Variants in EVL observed in about 807,000 individuals in gnomAD.
EVL encodes ena/VASP-like protein.
In EVL, 21 loss-of-function variants were observed where a neutral mutation model predicts 59.6. That is an observed-to-expected ratio of 0.35 (90% CI 0.25 to 0.51). The LOEUF is 0.51. Ranked by LOEUF, EVL falls within the 20% of genes least tolerant of loss-of-function variation. EVL has a pLI of 0.97. For missense variants in EVL, 462 were observed against 546.6 expected (o/e 0.85, Z 1.54); for synonymous variants, 198 against 203.5 (o/e 0.97, Z 0.23).
intron 1 of EVL, among the ~76,000 whole-genome samples, chr14:99,973,974 T>C (rs951630382): frequency 1.3e-5 from 2 of 152,242 alleles, no homozygotes; most frequent in Non-Finnish European, 2.9e-5. Flanking sequence ...GTCTTCGCTT[T>C]GGAGTTATTT....
intron 3 of EVL, among the ~76,000 whole-genome samples, chr14:100,118,206 C>T (rs61984552): frequency 0.027 from 4,139 of 152,288 alleles, 80 homozygotes; most frequent in Non-Finnish European, 0.04. Context: ...CGAGTCTCAG[C>T]AGGCTATGAG....
At chr14:100,051,233 G>C (rs537987341) in intron 1 of EVL, among the ~76,000 whole-genome samples, 2 of 152,112 alleles carry the variant, frequency 1.3e-5, no homozygotes, top group Non-Finnish European at 2.9e-5. Context: ...GTCCTGCTCC[G>C]TCCTGACTAG....
At chr14:100,125,558 ATT>A (rs202101876) in intron 4 of EVL, among the ~76,000 whole-genome samples, 6 of 142,462 alleles carry the variant, frequency 4.2e-5, no homozygotes, top group Non-Finnish European at 3.1e-5. Context: ...CTTTTCCGTA[ATT>A]TTTTTTTTTT....
chr14:100,125,651 G>A (rs1888027406), intron 4 of EVL, among the ~76,000 whole-genome samples: 1 of 151,950 alleles, frequency 6.6e-6, no homozygotes, highest in Non-Finnish European at 1.5e-5. Flanking sequence ...CACTTCCTGG[G>A]TTCAAGAGAT....
chr14:100,141,682 G>C, intron 12 of EVL, 54 bp from the exon 13 acceptor site: 2 of 1,587,684 alleles, frequency 1.3e-6, no homozygotes, highest in Non-Finnish European at 1.7e-6. Context: ...AGCCCAGGCC[G>C]GCTTTTCCGT....
chr14:100,123,609 C>T lies in EVL; in HGVS notation c.422+7C>T. 3 of 1,613,952 alleles carry T rather than the reference C, an allele frequency of 1.9e-6. No homozygotes were observed. The South Asian group carries it at 3.3e-5, about 18-fold the overall frequency. ...AGATGGACATCCAGAGAAGGTAACC[C>T]AGCACCCGCAGGGGCCAGGCTGGTC... On this transcript the variant is annotated splice_region_variant and intron_variant, in intron 4 of 13. Coordinates refer to ENST00000392920, the MANE Select transcript of EVL (RefSeq NM_016337.3).
At chr14:100,038,805 T>TGTGTGTGTGTGTGTGTG (rs1555415165) in intron 1 of EVL, among the ~76,000 whole-genome samples, 2 of 151,026 alleles carry the variant, frequency 1.3e-5, no homozygotes, top group Non-Finnish European at 1.5e-5. Context: ...TGTGTGTGTG[T>TGTGTGTGTGTGTGTGTG]TGCTGTAAAG....
At chr14:100,087,866 G>A (rs1050793715) in intron 2 of EVL, among the ~76,000 whole-genome samples, 1 of 152,120 alleles carries the variant, frequency 6.6e-6, no homozygotes, top group Non-Finnish European at 1.5e-5. Flanking sequence ...AAGAAGAAGG[G>A]CATCCAAACT....
At chr14:100,137,415 G>A (rs1888868166) in intron 9 of EVL, 163 bp from the exon 10 acceptor site, 2 of 679,174 alleles carry the variant, frequency 2.9e-6, no homozygotes, top group Admixed American at 4.7e-5. Flanking sequence ...GGGGGACTGA[G>A]AACAAGGTGC....
intron 1 of EVL, among the ~76,000 whole-genome samples, chr14:99,988,546 A>G (rs546998440): frequency 5.3e-5 from 8 of 152,324 alleles, no homozygotes; most frequent in African/African-American, 1.9e-4. Context: ...AATGTTAGAC[A>G]TAGAGTTACC....
At chr14:100,010,386 C>T (rs75132514) in intron 1 of EVL, among the ~76,000 whole-genome samples, 1 of 152,096 alleles carries the variant, frequency 6.6e-6, no homozygotes, top group Non-Finnish European at 1.5e-5. Context: ...CATTATTGTG[C>T]TAGTTAGTGT....
At chr14:100,016,796 C>T (rs1452658910) in intron 1 of EVL, among the ~76,000 whole-genome samples, 1 of 152,156 alleles carries the variant, frequency 6.6e-6, no homozygotes, top group African/African-American at 2.4e-5. Context: ...ACCCCAATGC[C>T]ATGTCAGCTG....
chr14:100,129,099 C>T (rs1346203601), intron 6 of EVL, among the ~76,000 whole-genome samples: 1 of 152,226 alleles, frequency 6.6e-6, no homozygotes, highest in Non-Finnish European at 1.5e-5. Context: ...AATCTATGTC[C>T]ATTGCCCTTT....
chr14:100,019,388 C>T, intron 1 of EVL: 1 of 409,482 alleles, frequency 2.4e-6, no homozygotes, highest in Non-Finnish European at 4.3e-6. Flanking sequence ...ATCCAGTTCC[C>T]AGCCTGGAGC....
chr14:99,979,928 A>G (rs1331903520), intron 1 of EVL, among the ~76,000 whole-genome samples: 1 of 152,220 alleles, frequency 6.6e-6, no homozygotes, highest in Non-Finnish European at 1.5e-5. Context: ...TATACTGAAC[A>G]CGTACTGATA....
At chr14:100,126,198 G>A (rs749693612) in intron 4 of EVL, among the ~76,000 whole-genome samples, 11 of 152,340 alleles carry the variant, frequency 7.2e-5, no homozygotes, top group African/African-American at 2.2e-4. Flanking sequence ...AGTGTGCCAC[G>A]GTGCACCAAA....
At chr14:100,029,464 C>T (rs1221375298) in intron 1 of EVL, among the ~76,000 whole-genome samples, 1 of 152,100 alleles carries the variant, frequency 6.6e-6, no homozygotes, top group Non-Finnish European at 1.5e-5. Context: ...ATGTGTAATC[C>T]TTAGTCCTGC....
chr14:100,035,116 C>CTTTTAAA (rs1436744549), intron 1 of EVL, among the ~76,000 whole-genome samples: 2 of 152,244 alleles, frequency 1.3e-5, no homozygotes, highest in African/African-American at 4.8e-5. Context: ...TAAAATGAGA[C>CTTTTAAA]ATTATTCCTC....
intron 3 of EVL, among the ~76,000 whole-genome samples, chr14:100,101,771 A>G (rs1184834835): frequency 6.6e-6 from 1 of 152,264 alleles, no homozygotes; most frequent in Non-Finnish European, 1.5e-5. Flanking sequence ...TTCATAATTC[A>G]TAAGCACTAG....
Sources: gnomAD v4.1 joint callset for allele counts (sites outside exome capture counted in the v4.1 genomes callset) on GRCh38, gnomAD v4.1.1 for gene constraint, MANE v1.5 for transcripts, NCBI Gene and HGNC (gene_info 2026-07-23, HGNC 2026-07-21) for gene names.